Variants in ATXN7 observed in about 807,000 individuals in gnomAD.
ATXN7 encodes ataxin-7.
ATXN7 carries 12 observed loss-of-function variants against 70.5 expected under a neutral mutation model. That is an observed-to-expected ratio of 0.17 (90% CI 0.11 to 0.28). The LOEUF is 0.28. Among genes scored for constraint, ATXN7 ranks in the 10% least tolerant of loss-of-function variants. ATXN7 has a pLI of 1.00. For synonymous variants in ATXN7, 498 were observed against 448.7 expected, an observed-to-expected ratio of 1.11 and a Z score of -1.39; for missense variants, 1,256 against 1,131.7, an observed-to-expected ratio of 1.11 and a Z score of -1.58.
At chr3:63,978,475 A>G (rs1305272150) in intron 5 of ATXN7, among the ~76,000 whole-genome samples, 1 of 152,242 alleles carries the variant, frequency 6.6e-6, no homozygotes, top group Non-Finnish European at 1.5e-5. Flanking sequence ...GCTTAAAAGT[A>G]TGTTCAGAGT....
intron 8 of ATXN7, 52 bp downstream of exon 8, chr3:63,983,073 T>G (rs772601095): frequency 1.4e-6 from 2 of 1,404,248 alleles, no homozygotes; most frequent in East Asian, 4.6e-5. Flanking sequence ...CATGGGTGAC[T>G]GGGATGTACC....
At chr3:63,871,004 T>C (rs975145531) in intron 1 of ATXN7, among the ~76,000 whole-genome samples, 4 of 152,182 alleles carry the variant, frequency 2.6e-5, no homozygotes, top group Non-Finnish European at 5.9e-5. Context: ...TCCCTCTACC[T>C]TTCTCTCCTG....
chr3:63,920,537 A>T (rs1704469143), intron 4 of ATXN7, among the ~76,000 whole-genome samples: 1 of 152,136 alleles, frequency 6.6e-6, no homozygotes, highest in Admixed American at 6.5e-5. Context: ...GGTCACCCTA[A>T]CCTTTGTTTT....
chr3:64,003,204 GCTT>G lies in ATXN7; in HGVS notation c.*3738_*3740del, dbSNP rs2075853459. The G allele has an allele frequency of 9.9e-6, 1 of 101,522 alleles. No homozygotes were observed. The highest frequency in any genetic ancestry group is 4.2e-5 in the African/African-American group (1 of 23,964). The allele number at this position is 101,522 out of a possible 1,614,324, so 6.3% of individuals were successfully genotyped here. A position where few individuals can be genotyped will look rare whatever the true frequency, so the allele number is the denominator to read the frequency against. On this transcript the variant is annotated 3_prime_UTR_variant, in exon 13 of 13. Coordinates refer to ENST00000674280, the MANE Select transcript of ATXN7 (RefSeq NM_001377405.1). ...GAATGTAGGGCCTTGAAAGCATTTT[GCTT>G]TTTTTTTTTTTTTTTTTTTTTTGAG... is the stretch of plus-strand genomic sequence containing the variant.
At chr3:63,907,394 G>A (rs1703872158) in intron 2 of ATXN7, among the ~76,000 whole-genome samples, 1 of 151,120 alleles carries the variant, frequency 6.6e-6, no homozygotes, top group Non-Finnish European at 1.5e-5. Context: ...CAGTACACTA[G>A]AACTCTATAC....
intron 4 of ATXN7, among the ~76,000 whole-genome samples, chr3:63,923,911 A>G (rs770320613): frequency 6.6e-6 from 1 of 152,132 alleles, no homozygotes; most frequent in Non-Finnish European, 1.5e-5. Flanking sequence ...GAGGCCAAGG[A>G]AAGGAATTTG....
chr3:63,919,953 A>G (rs1052595108), intron 4 of ATXN7, among the ~76,000 whole-genome samples: 2 of 151,798 alleles, frequency 1.3e-5, no homozygotes, highest in African/African-American at 4.8e-5. Context: ...CTTTCATGGA[A>G]TTTCCATTCA....
At chr3:63,884,542 A>T (rs1703023891) in intron 1 of ATXN7, among the ~76,000 whole-genome samples, 3 of 152,204 alleles carry the variant, frequency 2.0e-5, no homozygotes, top group Non-Finnish European at 4.4e-5. Flanking sequence ...TAAATAAGCA[A>T]ATGGGAGAGA....
intron 4 of ATXN7, among the ~76,000 whole-genome samples, chr3:63,920,673 A>G (rs1056914399): frequency 6.6e-6 from 1 of 151,904 alleles, no homozygotes; most frequent in Non-Finnish European, 1.5e-5. Context: ...CTTTTATAAC[A>G]TTTTTTCTTT....
intron 4 of ATXN7, among the ~76,000 whole-genome samples, chr3:63,936,955 C>CG (rs1358390511): frequency 1.3e-5 from 2 of 152,136 alleles, no homozygotes; most frequent in African/African-American, 4.8e-5. Flanking sequence ...TGACCACAAT[C>CG]TAATTTGTAA....
chr3:63,923,458 A>G (rs561491737), intron 4 of ATXN7, among the ~76,000 whole-genome samples: 21 of 152,302 alleles, frequency 1.4e-4, no homozygotes, highest in South Asian at 4.1e-4. Context: ...TAACATGATC[A>G]AGGAAGACTT....
intron 4 of ATXN7, among the ~76,000 whole-genome samples, chr3:63,915,806 C>T (rs908547353): frequency 1.3e-5 from 2 of 151,956 alleles, no homozygotes; most frequent in African/African-American, 4.8e-5. Context: ...CTCATCCTCC[C>T]TTGTAGCTGG....
rs148393285 is a variant in ATXN7 at position 63,974,853 on chromosome 3, C to T, written c.500-5062C>T. ...TGAATAAAGGGTATGGGAAGGGTTG[C>T]AGCTTGTGAGTTACCATGAGATGGT... On this transcript the variant is annotated intron_variant, in intron 5 of 12. Coordinates refer to ENST00000674280, the MANE Select transcript of ATXN7 (RefSeq NM_001377405.1). Among the ~76,000 whole-genome samples, 326 of 152,218 alleles carry T rather than the reference C, an allele frequency of 2.1e-3. 1 individual carries two copies. Among genetic ancestry groups the T allele is most frequent in the African/African-American group, 7.7e-3 (321 of 41,536 alleles).
intron 1 of ATXN7, among the ~76,000 whole-genome samples, chr3:63,887,944 GTGTTTTTATTTTTTACA>G (rs1360954397): frequency 3.3e-5 from 5 of 150,318 alleles, no homozygotes. Context: ...CTTTAAATAC[GTGTTTTTATTTTTTACA>G]TATTGTGTGC....
At chr3:63,985,349 C>T (rs536719235) in intron 8 of ATXN7, among the ~76,000 whole-genome samples, 3 of 152,284 alleles carry the variant, frequency 2.0e-5, no homozygotes, top group African/African-American at 7.2e-5. Flanking sequence ...TGGGCTAAGC[C>T]TGTCATTGCA....
intron 4 of ATXN7, among the ~76,000 whole-genome samples, chr3:63,933,268 C>T (rs751613950): frequency 1.3e-5 from 2 of 152,140 alleles, no homozygotes; most frequent in Non-Finnish European, 2.9e-5. Context: ...CTGTGTCTCC[C>T]TTTCTTCAAG....
chr3:63,940,595 G>T (rs987710793), intron 4 of ATXN7, among the ~76,000 whole-genome samples: 10 of 152,112 alleles, frequency 6.6e-5, no homozygotes, highest in African/African-American at 2.4e-4. Context: ...TCTTTATCGA[G>T]CCCTTATGTG....
At chr3:63,940,424 A>G in intron 4 of ATXN7, among the ~76,000 whole-genome samples, 2 of 152,116 alleles carry the variant, frequency 1.3e-5, no homozygotes, top group East Asian at 3.9e-4. Flanking sequence ...GCCATTTCAT[A>G]ATTAATTCTG....
intron 5 of ATXN7, among the ~76,000 whole-genome samples, chr3:63,952,706 G>C (rs2074974562): frequency 6.6e-6 from 1 of 151,988 alleles, no homozygotes; most frequent in South Asian, 2.1e-4. Flanking sequence ...ATTAGAGAAA[G>C]TATAGTTTAT....
Sources: allele counts gnomAD v4.1 joint callset (sites outside exome capture counted in the v4.1 genomes callset), GRCh38; gene constraint gnomAD v4.1.1; transcripts MANE v1.5; gene names NCBI Gene and HGNC (gene_info 2026-07-23, HGNC 2026-07-21).